SEMA3A: variants seen among roughly 807,000 people sequenced by gnomAD.
SEMA3A encodes the protein semaphorin 3A.
A neutral mutation model predicts 97.9 loss-of-function variants in SEMA3A; 29 were observed. The ratio of observed to expected loss-of-function variants is 0.30; its 90% CI spans 0.22 to 0.40. The LOEUF (loss-of-function observed/expected upper bound fraction) is 0.40. SEMA3A is among the 10% of genes least tolerant of loss of function. SEMA3A has a pLI of 1.00. For missense variants in SEMA3A, 763 were observed against 951.3 expected (o/e 0.80, Z 2.60); for synonymous variants, 321 against 323.7 (o/e 0.99, Z 0.09).
Position 83,961,661 on chromosome 7 carries a change from G to T in SEMA3A, c.2026C>A (p.Leu676Ile), listed in dbSNP as rs2116248763. The T allele has an allele frequency of 1.2e-6, 2 of 1,613,848 alleles. No individual in the cohort carries two copies. The highest frequency in any genetic ancestry group is 2.2e-5 in the East Asian group (1 of 44,864). The change falls in exon 17 of 17, where the codon CTT becomes ATT. Residue 676 changes from leucine to isoleucine, a missense_variant. Coordinates refer to ENST00000265362, the MANE Select transcript of SEMA3A (RefSeq NM_006080.3). ...TCTCCATCATCATCTTTATGAAGAA[G>T]TTCTTCCAAATGCTCTGTGTCAATG... ...EVIDTEHLEE[L>I]LHKDDDGDGS...
At chr7:84,251,126 G>A (rs1177186154) in intron 3 of SEMA3A, among the ~76,000 whole-genome samples, 2 of 152,082 alleles carry the variant, frequency 1.3e-5, no homozygotes, top group Non-Finnish European at 1.5e-5. Flanking sequence ...ACAAAAGAAA[G>A]GTATGTCAAA....
rs1584520812 is a variant in SEMA3A, at chr7:83,994,850, G to C, written c.1452+7105C>G. Among the ~76,000 whole-genome samples the C allele has an allele frequency of 9.2e-5, 14 of 152,142 alleles. 1 individual carries two copies. The South Asian group carries it at 2.7e-3, about 29-fold the overall frequency. ...GAGCTGTGGTGGGCTCCACCCAGTT[G>C]GAACTTCCCGGCTGCTTTGTTTACC... On this transcript the variant is annotated intron_variant, in intron 12 of 16. Transcript: ENST00000265362.
intron 1 of SEMA3A, among the ~76,000 whole-genome samples, chr7:84,425,240 T>G (rs1356422927): frequency 8.3e-6 from 1 of 120,404 alleles, no homozygotes; most frequent in Admixed American, 9.6e-5. Flanking sequence ...TATATTGATA[T>G]AAATATAAAT....
rs568307705 is a variant in SEMA3A at position 83,959,770 on chromosome 7, G to C, written c.*1601C>G. ...CATTTTTGTGCATGATGAGGAACCTGGGGGAGGAGTCCTGAATAGGTGAGT... is the reference window on the plus strand; with the variant it reads ...CATTTTTGTGCATGATGAGGAACCTCGGGGAGGAGTCCTGAATAGGTGAGT... On this transcript the variant is annotated 3_prime_UTR_variant, in exon 17 of 17. Coordinates refer to ENST00000265362, the MANE Select transcript of SEMA3A (RefSeq NM_006080.3). 6.6e-6 allele frequency: 1 copy of C among 152,070 alleles called. No individual in the cohort carries two copies. The highest frequency in any genetic ancestry group is 1.5e-5 in the Non-Finnish European group (1 of 67,950). The allele number at this position is 152,070 out of a possible 1,614,324, so 9.4% of individuals were successfully genotyped here.
intron 3 of SEMA3A, among the ~76,000 whole-genome samples, chr7:84,257,231 G>A (rs1421117704): frequency 6.6e-6 from 1 of 151,790 alleles, no homozygotes; most frequent in African/African-American, 2.4e-5. Context: ...AGTAATAAAT[G>A]TCAAACTCTC....
At chr7:84,407,742 T>C (rs1228197169) in intron 1 of SEMA3A, among the ~76,000 whole-genome samples, 1 of 152,084 alleles carries the variant, frequency 6.6e-6, no homozygotes, top group Non-Finnish European at 1.5e-5. Context: ...TAATGCCACA[T>C]ATCTACAACT....
chr7:84,192,214 A>C (rs147314368), intron 1 of SEMA3A, among the ~76,000 whole-genome samples: 11 of 152,132 alleles, frequency 7.2e-5, no homozygotes, highest in Non-Finnish European at 1.5e-4. Context: ...AGAAACAAGA[A>C]GTAGCTTTAA....
chr7:84,341,051 T>C lies in SEMA3A; in HGVS notation c.-169+30773A>G, dbSNP rs183804962. 3.7e-4 allele frequency among the ~76,000 whole-genome samples: 56 copies of C among 152,312 alleles called. No individual in the cohort carries two copies. The East Asian group carries it at 9.1e-3, about 25-fold the overall frequency. ...GCTTAATCTTGGTGATGGTTATATT[T>C]CCATGTACAAAGCAAAACAAAGAAA... On this transcript the variant is annotated intron_variant, in intron 2 of 3. Transcript: ENST00000424555.
chr7:84,335,870 ATATAT>A (rs1263781280), intron 2 of SEMA3A, among the ~76,000 whole-genome samples: 1 of 152,246 alleles, frequency 6.6e-6, no homozygotes. Flanking sequence ...ATTTTACTTA[ATATAT>A]TAAATTATTA....
At chr7:84,404,662 A>C (rs1271311297) in intron 1 of SEMA3A, among the ~76,000 whole-genome samples, 13 of 151,884 alleles carry the variant, frequency 8.6e-5, no homozygotes, top group Admixed American at 2.6e-4. Context: ...GGGTTACCCA[A>C]AAAGGGAAGC....
At position 84,053,330 on chromosome 7, in the gene SEMA3A, T is replaced by C. The variant is rs1376594247; in HGVS notation, c.548-6887A>G. On this transcript the variant is annotated intron_variant, in intron 5 of 16. Coordinates refer to ENST00000265362, the MANE Select transcript of SEMA3A (RefSeq NM_006080.3). ...AGTGGGGTGTTGAAGTCTCCCATTA[T>C]TAATGTGTGGGAGTCTAAGTCTCTT... 3.7e-5 allele frequency among the ~76,000 whole-genome samples: 4 copies of C among 107,774 alleles called. No homozygotes were observed. The East Asian group carries it at 1.3e-3, about 35-fold the overall frequency. 70.7% of individuals were successfully genotyped at this position (107,774 alleles called of 152,430 possible).
At chr7:84,101,563 GGGT>G in intron 4 of SEMA3A, among the ~76,000 whole-genome samples, 1 of 152,188 alleles carries the variant, frequency 6.6e-6, no homozygotes, top group Middle Eastern at 3.4e-3. Flanking sequence ...CAGGTTTGCT[GGGT>G]TATACTCCAG....
rs769410843 is a variant in SEMA3A at position 84,223,627 on chromosome 7, G to A, written c.-82-28959C>T. ...ATGTAAGAGTTAACCAGTTAGAATG[G>A]GGATTCTAAAAACCATAGAAAACAG... is the stretch of plus-strand genomic sequence containing the variant. On this transcript the variant is annotated intron_variant, in intron 3 of 3. Transcript: ENST00000424555. Among the ~76,000 whole-genome samples, 10 of 151,778 alleles carry A rather than the reference G, an allele frequency of 6.6e-5. No homozygotes were observed. The South Asian group carries it at 2.1e-3, about 32-fold the overall frequency.
At chr7:84,407,833 T>C (rs1481077644) in intron 1 of SEMA3A, among the ~76,000 whole-genome samples, 6 of 152,110 alleles carry the variant, frequency 3.9e-5, no homozygotes, top group Non-Finnish European at 8.8e-5. Context: ...GGAAAACTGG[T>C]TAGCCATATG....
At position 84,005,436 on chromosome 7, in the gene SEMA3A, T is replaced by C. The variant is rs758392343; in HGVS notation, c.1263A>G (p.Ile421Met). 6.9e-5 allele frequency: 111 copies of C among 1,613,736 alleles called. 3 individuals are homozygous for C. The South Asian group carries it at 1.2e-3, about 18-fold the overall frequency. The change falls in exon 11 of 17, where the codon ATA becomes ATG. Residue 421 changes from isoleucine (I) to methionine (M), a missense_variant. Ile to Met is a conservative substitution (Grantham distance 10). This residue lies in a region of SEMA3A where 678 missense variants were observed against 881.3 expected (regional missense o/e 0.77). Transcript: ENST00000265362. ...NPVFPMNNRP[I>M]VIKTDVNYQF... is the part of the protein sequence containing the mutation. ...GATAATTTACATCCGTTTTGATCAC[T>C]ATTGGGCGATTGTTCATAGGAAACA... is the stretch of plus-strand genomic sequence containing the variant.
chr7:84,151,609 T>C (rs2116121846), intron 1 of SEMA3A, among the ~76,000 whole-genome samples: 1 of 152,162 alleles, frequency 6.6e-6, no homozygotes, highest in Admixed American at 6.5e-5. Context: ...CAAATCTACG[T>C]CTGATTGGTG....
intron 4 of SEMA3A, among the ~76,000 whole-genome samples, chr7:84,064,851 G>A (rs1160696548): frequency 1.3e-5 from 2 of 151,718 alleles, no homozygotes; most frequent in African/African-American, 4.9e-5. Context: ...GTCAACATTA[G>A]ACAGATCAAC....
chr7:84,178,189 T>G (rs1157435367), intron 1 of SEMA3A, among the ~76,000 whole-genome samples: 1 of 152,196 alleles, frequency 6.6e-6, no homozygotes, highest in Admixed American at 6.5e-5. Flanking sequence ...TTACTTGTCT[T>G]GTTCCTTCGA....
chr7:84,346,186 T>C (rs1352363578), intron 2 of SEMA3A, among the ~76,000 whole-genome samples: 1 of 152,220 alleles, frequency 6.6e-6, no homozygotes, highest in African/African-American at 2.4e-5. Flanking sequence ...TCAGCCTTTA[T>C]AGAATTGAAG....
Sources: gnomAD v4.1 joint callset for allele counts (sites outside exome capture counted in the v4.1 genomes callset) on GRCh38, gnomAD v4.1.1 for gene constraint, gnomAD v4.1.1 regional missense constraint, MANE v1.5 for transcripts, NCBI Gene and HGNC (gene_info 2026-07-23, HGNC 2026-07-21) for gene names.